The following AFF2 variants were observed in gnomAD, a reference collection of about 807,000 sequenced individuals.
The protein encoded by AFF2 is ALF transcription elongation factor 2.
In AFF2, 14 loss-of-function variants were observed where a neutral mutation model predicts 76.9. The observed-to-expected ratio is 0.18, with a 90% CI of 0.12 to 0.28. The LOEUF is 0.28. Among genes scored for constraint, AFF2 ranks in the 10% least tolerant of loss-of-function variants. AFF2 has a pLI of 1.00. For synonymous variants in AFF2, 398 were observed against 366.7 expected, an observed-to-expected ratio of 1.09 and a Z score of -0.98; for missense variants, 868 against 1,001.1, an observed-to-expected ratio of 0.87 and a Z score of 1.79.
At chrX:148,726,188 G>A (rs370799577) in intron 3 of AFF2, among the ~76,000 whole-genome samples, 4 of 112,135 alleles carry the variant, frequency 3.6e-5, no homozygotes, top group African/African-American at 9.7e-5. Flanking sequence ...ATGAGGGGCC[G>A]CACAGCAAGC....
At chrX:148,910,287 TATG>T (rs1295635135) in intron 9 of AFF2, among the ~76,000 whole-genome samples, 15 of 112,682 alleles carry the variant, frequency 1.3e-4, no homozygotes, top group African/African-American at 4.8e-4. Flanking sequence ...TTTTCCTGAC[TATG>T]ATATTTGCAC....
chrX:148,761,527 A>G (rs1321025068), intron 3 of AFF2, among the ~76,000 whole-genome samples: 2 of 106,856 alleles, frequency 1.9e-5, no homozygotes, highest in African/African-American at 3.5e-5. Context: ...AACATTCGCA[A>G]TCCAGTCTAC....
At chrX:148,836,287 G>C (rs1239961074) in intron 4 of AFF2, among the ~76,000 whole-genome samples, 2 of 111,824 alleles carry the variant, frequency 1.8e-5, no homozygotes, top group African/African-American at 6.5e-5. Flanking sequence ...ATCTTTGTCA[G>C]AATAATACTT....
intron 3 of AFF2, among the ~76,000 whole-genome samples, chrX:148,701,378 C>A (rs984970215): frequency 9.0e-6 from 1 of 110,907 alleles, no homozygotes; most frequent in African/African-American, 3.3e-5. Context: ...ATAGGGTCCT[C>A]CATCTGTTCT....
intron 4 of AFF2, 36 bp from the exon 5 acceptor site, chrX:148,837,611 G>T (rs1557273930): frequency 1.1e-6 from 1 of 883,638 alleles, no homozygotes; most frequent in East Asian, 3.1e-5. Flanking sequence ...TTTTTTAATT[G>T]CCCTGAAATA....
chrX:148,605,477 A>C (rs2053663539), intron 1 of AFF2, among the ~76,000 whole-genome samples: 1 of 111,671 alleles, frequency 9.0e-6, no homozygotes, highest in Admixed American at 9.5e-5. Context: ...GCCTAGAAGT[A>C]ATGACATCCT....
intron 1 of AFF2, among the ~76,000 whole-genome samples, chrX:148,525,538 A>G (rs962234405): frequency 2.0e-4 from 22 of 111,876 alleles, no homozygotes; most frequent in Non-Finnish European, 7.5e-5. Context: ...TATTTAAATA[A>G]CCAGAATAGA....
intron 9 of AFF2, among the ~76,000 whole-genome samples, chrX:148,935,695 C>T (rs2071767148): frequency 9.0e-6 from 1 of 111,535 alleles, no homozygotes; most frequent in Non-Finnish European, 1.9e-5. Flanking sequence ...AGCTCTGCTC[C>T]TGCCTTGGCA....
chrX:148,651,729 A>C (rs957184207), intron 1 of AFF2, among the ~76,000 whole-genome samples: 2 of 21,370 alleles, frequency 9.4e-5, no homozygotes, highest in African/African-American at 3.8e-4. Flanking sequence ...ATAATCAAAA[A>C]AGGACAAGGG....
intron 8 of AFF2, among the ~76,000 whole-genome samples, chrX:148,888,455 T>C (rs2071185988): frequency 8.9e-6 from 1 of 112,216 alleles, no homozygotes; most frequent in Non-Finnish European, 1.9e-5. Context: ...TTTTGGCTAC[T>C]GTGAATAGTG....
At chrX:148,538,325 T>C (rs1172128542) in intron 1 of AFF2, among the ~76,000 whole-genome samples, 7 of 111,558 alleles carry the variant, frequency 6.3e-5, no homozygotes, top group African/African-American at 2.3e-4. Flanking sequence ...CACCCTAGAG[T>C]CTCTGCTTCA....
intron 1 of AFF2, among the ~76,000 whole-genome samples, chrX:148,643,304 A>G (rs1557254952): frequency 1.8e-5 from 2 of 112,047 alleles, no homozygotes; most frequent in Admixed American, 1.9e-4. Flanking sequence ...TACATTTGCT[A>G]TATTCACTAT....
At position 148,661,518 on chromosome X, in the gene AFF2, C is replaced by A. The variant is rs148636172; in HGVS notation, c.181-390C>A. ...CAAAAATTTATATAGGTAGAAAATT[C>A]CATTATAACTCCAATGATTGGTAAG... On this transcript the variant is annotated intron_variant, in intron 2 of 20. Transcript: ENST00000370460. Among the ~76,000 whole-genome samples, 811 of 111,937 alleles carry A rather than the reference C, an allele frequency of 7.2e-3. 11 individuals are homozygous for A. Among genetic ancestry groups the A allele is most frequent in the African/African-American group, 0.025 (785 of 30,840 alleles).
chrX:148,785,176 G>A (rs782265545), intron 3 of AFF2, among the ~76,000 whole-genome samples: 20 of 112,026 alleles, frequency 1.8e-4, no homozygotes, highest in South Asian at 3.8e-4. Flanking sequence ...TGTAGGGCTC[G>A]CTCTACTCAT....
chrX:148,609,193 C>T (rs1735054291), intron 1 of AFF2, among the ~76,000 whole-genome samples: 1 of 111,392 alleles, frequency 9.0e-6, no homozygotes, highest in South Asian at 3.7e-4. Flanking sequence ...AGCTTAATCA[C>T]TTTCATATTT....
chrX:148,800,917 T>G (rs1001654702), intron 3 of AFF2, among the ~76,000 whole-genome samples: 7 of 112,580 alleles, frequency 6.2e-5, no homozygotes, highest in Non-Finnish European at 1.1e-4. Flanking sequence ...AAACTCCGTC[T>G]AATGTTCTAA....
At chrX:148,700,218 TA>T (rs2054769254) in intron 3 of AFF2, among the ~76,000 whole-genome samples, 1 of 111,312 alleles carries the variant, frequency 9.0e-6, no homozygotes, top group African/African-American at 3.3e-5. Flanking sequence ...GCAGATGAAC[TA>T]AAAAGTTGCC....
intron 9 of AFF2, among the ~76,000 whole-genome samples, chrX:148,918,875 A>T (rs2071561145): frequency 8.9e-6 from 1 of 111,766 alleles, no homozygotes; most frequent in Admixed American, 9.5e-5. Flanking sequence ...CAAAGTACAG[A>T]CTGCATCTGA....
chrX:148,825,090 G>A (rs892146906), intron 4 of AFF2, among the ~76,000 whole-genome samples: 3 of 110,942 alleles, frequency 2.7e-5, no homozygotes, highest in African/African-American at 9.9e-5. Flanking sequence ...ACAAAATGAT[G>A]ATAATGTACT....
Sources: allele counts gnomAD v4.1 joint callset (sites outside exome capture counted in the v4.1 genomes callset), GRCh38; gene constraint gnomAD v4.1.1; transcripts MANE v1.5; gene names NCBI Gene and HGNC (gene_info 2026-07-23, HGNC 2026-07-21).